Variants in MELK observed in about 807,000 individuals in gnomAD.
The protein encoded by MELK is pEg3 kinase.
Under a neutral mutation model 85.0 loss-of-function variants are expected in MELK, and 81 were observed. The observed-to-expected ratio is 0.95, with a 90% CI of 0.80 to 1.15. The LOEUF (loss-of-function observed/expected upper bound fraction) is 1.15. MELK is among the 50% of genes most tolerant of loss of function. MELK has a pLI of 0.00. For missense variants in MELK, 754 were observed against 777.5 expected, an observed-to-expected ratio of 0.97 and a Z score of 0.36; for synonymous variants, 252 against 265.0, an observed-to-expected ratio of 0.95 and a Z score of 0.48.
chr9:36,624,833 T>G (rs79971760), intron 8 of MELK, among the ~76,000 whole-genome samples: 3,119 of 152,306 alleles, frequency 0.02, 51 homozygotes, highest in South Asian at 0.049. Context: ...CATAATGTCT[T>G]TTTTATTATG....
At chr9:36,579,133 TTC>T (rs1399204925) in intron 1 of MELK, among the ~76,000 whole-genome samples, 1 of 152,232 alleles carries the variant, frequency 6.6e-6, no homozygotes, top group African/African-American at 2.4e-5. Flanking sequence ...GTTCAAGCAG[TTC>T]TCCTGCCTCA....
intron 8 of MELK, among the ~76,000 whole-genome samples, chr9:36,629,548 G>C (rs188091387): frequency 7.9e-4 from 121 of 152,206 alleles, no homozygotes; most frequent in Admixed American, 1.4e-3. Flanking sequence ...CTGTTTTGTG[G>C]ATGACCTGTT....
At chr9:36,672,161 G>A (rs2138152564) in intron 16 of MELK, among the ~76,000 whole-genome samples, 1 of 152,268 alleles carries the variant, frequency 6.6e-6, no homozygotes, top group Non-Finnish European at 1.5e-5. Flanking sequence ...TTTCTGTTCT[G>A]TCTTAAAGTG....
intron 11 of MELK, among the ~76,000 whole-genome samples, chr9:36,648,652 T>C (rs920501041): frequency 5.9e-5 from 9 of 152,248 alleles, no homozygotes; most frequent in African/African-American, 2.2e-4. Flanking sequence ...CCAGGATTTG[T>C]ATCCTATTTG....
intron 13 of MELK, among the ~76,000 whole-genome samples, chr9:36,661,305 A>G (rs1831790696): frequency 1.3e-5 from 2 of 152,330 alleles, no homozygotes; most frequent in Admixed American, 1.3e-4. Context: ...TAATACACAG[A>G]GTTCTGAAAC....
At chr9:36,580,038 CTT>C (rs58166111) in intron 1 of MELK, among the ~76,000 whole-genome samples, 7,682 of 117,862 alleles carry the variant, frequency 0.065, 381 homozygotes, top group African/African-American at 0.22. Flanking sequence ...TTCATGTCTT[CTT>C]TTTTTTTTTT....
intron 5 of MELK, among the ~76,000 whole-genome samples, chr9:36,595,273 C>A (rs1030164357): frequency 2.0e-5 from 3 of 151,928 alleles, no homozygotes; most frequent in Non-Finnish European, 4.4e-5. Context: ...GTGGCTGGGA[C>A]TACAGGCGCC....
intron 11 of MELK, among the ~76,000 whole-genome samples, chr9:36,648,816 C>A (rs1830445277): frequency 6.6e-6 from 1 of 152,048 alleles, no homozygotes; most frequent in Non-Finnish European, 1.5e-5. Context: ...ACACATAGAA[C>A]CTCTCATCAG....
chr9:36,648,059 A>G (rs1830383543), intron 11 of MELK, among the ~76,000 whole-genome samples: 1 of 152,334 alleles, frequency 6.6e-6, no homozygotes. Context: ...AAAAGTTAAC[A>G]CTTTTGTAGG....
chr9:36,574,095 A>G (rs1007780047), intron 1 of MELK, among the ~76,000 whole-genome samples: 3 of 152,078 alleles, frequency 2.0e-5, no homozygotes, highest in African/African-American at 7.2e-5. Context: ...TGGCTAGAAA[A>G]TCAGAAAAAT....
intron 7 of MELK, chr9:36,606,729 ATG>A (rs1038440366): frequency 1.4e-5 from 2 of 147,962 alleles, no homozygotes; most frequent in Non-Finnish European, 3.0e-5. Context: ...ATGCATATAT[ATG>A]TACATATATA....
chr9:36,649,588 G>C (rs1830511024), intron 11 of MELK, among the ~76,000 whole-genome samples: 1 of 152,078 alleles, frequency 6.6e-6, no homozygotes. Flanking sequence ...GGACAACATG[G>C]TGAAACCTCA....
intron 13 of MELK, among the ~76,000 whole-genome samples, chr9:36,658,883 ATTT>A (rs537014195): frequency 2.1e-5 from 2 of 95,838 alleles, no homozygotes; most frequent in Non-Finnish European, 2.3e-5. Flanking sequence ...TTTTTTTTCT[ATTT>A]TTTTTTTTTT....
chr9:36,637,429 T>C (rs1057147762), intron 10 of MELK, among the ~76,000 whole-genome samples: 8 of 152,252 alleles, frequency 5.3e-5, no homozygotes, highest in Non-Finnish European at 7.3e-5. Context: ...AGACAACTCA[T>C]GTGCTTCTGC....
intron 9 of MELK, among the ~76,000 whole-genome samples, chr9:36,632,527 GCTCA>G (rs1828739892): frequency 1.3e-5 from 2 of 151,842 alleles, no homozygotes; most frequent in South Asian, 4.2e-4. Context: ...TTTACCTCAG[GCTCA>G]CTCACCTTGA....
At chr9:36,656,981 T>A (rs1486363308) in intron 12 of MELK, among the ~76,000 whole-genome samples, 1 of 152,190 alleles carries the variant, frequency 6.6e-6, no homozygotes, top group African/African-American at 2.4e-5. Context: ...CCACCTACTG[T>A]ATTCAGTACA....
chr9:36,651,890 G>T lies in MELK; in HGVS notation c.1053+13G>T, dbSNP rs756851022. 3.7e-6 allele frequency: 6 copies of T among 1,611,336 alleles called. No homozygotes were observed. The highest frequency in any genetic ancestry group is 3.3e-5 in the Admixed American group (2 of 59,844). The stretch of plus-strand genomic sequence containing the variant: ...CACAGACATCAAGGTAAGTGTTACT[G>T]CCTGTTGTGTCTTGCCACGTGCCCT... On this transcript the variant is annotated intron_variant, in intron 12 of 17. Transcript: ENST00000298048.
At chr9:36,595,207 C>T (rs1443799889) in intron 5 of MELK, among the ~76,000 whole-genome samples, 1 of 152,062 alleles carries the variant, frequency 6.6e-6, no homozygotes, top group Non-Finnish European at 1.5e-5. Context: ...GCGATCTCGG[C>T]TCACTGCAAG....
At chr9:36,582,617 A>G (rs1020302737) in intron 2 of MELK, among the ~76,000 whole-genome samples, 1 of 152,218 alleles carries the variant, frequency 6.6e-6, no homozygotes, top group Non-Finnish European at 1.5e-5. Context: ...TTACACATAT[A>G]TATGTATACA....
Sources: gnomAD v4.1 joint callset for allele counts (sites outside exome capture counted in the v4.1 genomes callset) on GRCh38, gnomAD v4.1.1 for gene constraint, MANE v1.5 for transcripts, NCBI Gene and HGNC (gene_info 2026-07-23, HGNC 2026-07-21) for gene names.